SH3TC2: variants seen among roughly 807,000 people sequenced by gnomAD.
SH3TC2 encodes SH3 domain and tetratricopeptide repeat-containing protein 2.
A neutral mutation model predicts 124.5 loss-of-function variants in SH3TC2; 87 were observed. That is an observed-to-expected ratio of 0.70 (90% CI 0.59 to 0.84). SH3TC2 has a LOEUF of 0.84. Among genes scored for constraint, SH3TC2 ranks in the 40% least tolerant of loss-of-function variants. SH3TC2 has a pLI of 0.00. For synonymous variants in SH3TC2, 634 were observed against 628.5 expected (o/e 1.01, Z -0.13); for missense variants, 1,536 against 1,566.4 (o/e 0.98, Z 0.33).
intron 9 of SH3TC2, among the ~76,000 whole-genome samples, chr5:149,029,862 G>A (rs1051074183): frequency 6.6e-5 from 10 of 152,166 alleles, no homozygotes; most frequent in Non-Finnish European, 1.2e-4. Flanking sequence ...GTAGCTGCTA[G>A]AGGGAAGATT....
chr5:149,059,630 AG>A (rs1754710568), intron 1 of SH3TC2, among the ~76,000 whole-genome samples: 1 of 151,184 alleles, frequency 6.6e-6, no homozygotes, highest in African/African-American at 2.4e-5. Flanking sequence ...AATATATCTT[AG>A]ATGATAATGT....
rs1489256732 is a variant in SH3TC2 at position 148,983,254 on chromosome 5, C to A, written c.*21457G>T. Among the ~76,000 whole-genome samples the A allele has an allele frequency of 6.6e-6, 1 of 152,188 alleles. No homozygotes were observed. Among genetic ancestry groups the A allele is most frequent in the African/African-American group, 2.4e-5 (1 of 41,452 alleles). The stretch of plus-strand genomic sequence containing the variant: ...TGTTTGTTTTTCAAATTGCCACTTA[C>A]CATTTTTAGTACAAATTCCTTTTGA... On this transcript the variant is annotated 3_prime_UTR_variant, in exon 17 of 17. Coordinates refer to ENST00000515425, the MANE Select transcript of SH3TC2 (RefSeq NM_024577.4).
In SH3TC2 at chr5:148,999,894, C is replaced by T. The variant is rs1408069900; in HGVS notation, c.*4817G>A. The stretch of plus-strand genomic sequence containing the variant: ...TTTGCTTCCCTGAATCTGCTCCAGC[C>T]TCACTGCACTCAGAGTGACCTGTTC... On this transcript the variant is annotated 3_prime_UTR_variant, in exon 17 of 17. Coordinates refer to ENST00000515425, the MANE Select transcript of SH3TC2 (RefSeq NM_024577.4). Among the ~76,000 whole-genome samples, 8 of 152,286 alleles carry T rather than the reference C, an allele frequency of 5.3e-5. No individual in the cohort carries two copies. Among genetic ancestry groups the T allele is most frequent in the South Asian group, 2.1e-4 (1 of 4,818 alleles).
chr5:148,993,480 T>G lies in SH3TC2; in HGVS notation c.*11231A>C, dbSNP rs912858986. ...ACATTTATCTTGGAGTAAAAATGAT[T>G]GAGTAAGCATTAATTAAGAAAATAC... is the stretch of plus-strand genomic sequence containing the variant. On this transcript the variant is annotated 3_prime_UTR_variant, in exon 17 of 17. Coordinates refer to ENST00000515425, the MANE Select transcript of SH3TC2 (RefSeq NM_024577.4). Among the ~76,000 whole-genome samples the G allele has an allele frequency of 3.9e-5, 6 of 152,244 alleles. No homozygotes were observed. The highest frequency in any genetic ancestry group is 7.3e-5 in the Non-Finnish European group (5 of 68,044).
At chr5:149,026,266 G>A (rs896596843) in intron 12 of SH3TC2, 1 of 399,400 alleles carries the variant, frequency 2.5e-6, no homozygotes, top group African/African-American at 2.0e-5. Context: ...CTATGTATCA[G>A]GCACAGTTAT....
chr5:149,057,177 T>C (rs1754662784), intron 1 of SH3TC2, among the ~76,000 whole-genome samples: 1 of 152,224 alleles, frequency 6.6e-6, no homozygotes, highest in Admixed American at 6.5e-5. Context: ...TAATCTACTA[T>C]TTAAATTCCA....
chr5:149,062,697 G>A (rs1338043633), intron 1 of SH3TC2, among the ~76,000 whole-genome samples: 1 of 152,202 alleles, frequency 6.6e-6, no homozygotes. Flanking sequence ...TCACACCCTG[G>A]GAGTGGCAGC....
rs1432798 is a variant in SH3TC2 at position 149,003,782 on chromosome 5, C to G, written c.*929G>C. On this transcript the variant is annotated 3_prime_UTR_variant, in exon 17 of 17. Coordinates refer to ENST00000515425, the MANE Select transcript of SH3TC2 (RefSeq NM_024577.4). ...TGGAGGATCACTTGAGCCCCGGAGT[C>G]TGAGGTCGCAGGAAGCCCTGACTGT... The G allele has an allele frequency of 0.27, 121,276 of 442,256 alleles. 18,910 individuals are homozygous for G. The highest frequency in any genetic ancestry group is 0.48 in the African/African-American group (23,080 of 47,942). The allele number at this position is 442,256 out of a possible 1,614,324, so 27.4% of individuals were successfully genotyped here. A position where few individuals can be genotyped will look rare whatever the true frequency, so the allele number is the denominator to read the frequency against.
At chr5:149,031,772 G>C in intron 8 of SH3TC2, 85 bp from the exon 9 acceptor site, 1 of 1,585,146 alleles carries the variant, frequency 6.3e-7, no homozygotes. Context: ...GGATGTAGTG[G>C]AGGATGCAGA....
intron 1 of SH3TC2, chr5:149,062,199 C>A: frequency 5.0e-6 from 2 of 403,756 alleles, no homozygotes; most frequent in South Asian, 1.9e-5. Context: ...CCAAGCAAGC[C>A]TCCCCCCACC....
chr5:149,058,603 C>A (rs969437122), intron 1 of SH3TC2, among the ~76,000 whole-genome samples: 1 of 151,408 alleles, frequency 6.6e-6, no homozygotes, highest in Non-Finnish European at 1.5e-5. Flanking sequence ...GGATATTACT[C>A]CCCAGTTGAT....
In SH3TC2 at chr5:149,026,948, T is replaced by C. The variant is rs111526513; in HGVS notation, c.2784A>G (p.Gln928=). ...ELVQVFLWLA[Q]VLVSGHQLTH... ...TCAGCTGGTGTCCAGACACCAGAAC[T>C]TGGGCCAACCAGAGAAACACCTGTA... The change falls in exon 11 of 17, where the codon CAA becomes CAG. Residue 928 remains glutamine (Q), a synonymous_variant. Transcript: ENST00000515425. 6.2e-7 allele frequency: 1 copy of C among 1,614,182 alleles called. No individual in the cohort carries two copies. Among genetic ancestry groups the C allele is most frequent in the Non-Finnish European group, 8.5e-7 (1 of 1,180,034 alleles).
At chr5:149,062,206 C>G (rs546712871) in intron 1 of SH3TC2, 91 of 409,074 alleles carry the variant, frequency 2.2e-4, no homozygotes, top group African/African-American at 1.8e-3. Context: ...AGCCTCCCCC[C>G]ACCAATCTAA....
At chr5:149,029,570 T>G in intron 9 of SH3TC2, among the ~76,000 whole-genome samples, 1 of 147,588 alleles carries the variant, frequency 6.8e-6, no homozygotes, top group African/African-American at 2.5e-5. Context: ...AGCAGGGGAG[T>G]GAGGGAGTGA....
At chr5:149,038,179 T>C in intron 8 of SH3TC2, 116 bp downstream of exon 8, 1 of 908,898 alleles carries the variant, frequency 1.1e-6, no homozygotes, top group South Asian at 1.5e-5. Flanking sequence ...CATGTGCTTT[T>C]CTGGCTCCAT....
rs776019812 is a variant in SH3TC2, at chr5:149,027,499, C to T, written c.2233G>A (p.Ala745Thr). Residue 745 changes from alanine (A) to threonine (T), a missense_variant, in exon 11 of 17, where the codon GCT (alanine) becomes ACT (threonine). Ala to Thr is a moderately conservative substitution (Grantham distance 58). This residue lies in a region of SH3TC2 where 1,102 missense variants were observed against 1,098.6 expected (regional missense o/e 1.00). Coordinates refer to ENST00000515425, the MANE Select transcript of SH3TC2 (RefSeq NM_024577.4). ...CGGTCTGCTAGTTCCTCACAGGCAG[C>T]CAGGGCCTGTCTGAGCATTGGGCAG... is the stretch of plus-strand genomic sequence containing the variant. ...LACPMLRQAL[A>T]ACEELADRST... The T allele has an allele frequency of 2.5e-6, 4 of 1,614,078 alleles. No individual in the cohort carries two copies. The African/African-American group carries it at 5.3e-5, about 22-fold the overall frequency.
rs756599181 is a variant in SH3TC2, at chr5:149,004,854, C to T, written c.3724G>A (p.Val1242Ile). 2.5e-6 allele frequency: 4 copies of T among 1,614,086 alleles called. No homozygotes were observed. The Admixed American group carries it at 6.7e-5, about 27-fold the overall frequency. The stretch of plus-strand genomic sequence containing the variant: ...TGAAGCTCCTCATCACCCAGCAGGA[C>T]CGCTGCTGCCAGGGCCAGAAGGAAG... ...EYFLLALAAAVLLGDEELQDT... is the reference protein window; with the variant it reads ...EYFLLALAAAILLGDEELQDT... Residue 1242 changes from valine to isoleucine, a missense_variant, in exon 17 of 17, where the codon GTC becomes ATC. This residue lies in a region of SH3TC2 where 426 missense variants were observed against 443.5 expected (regional missense o/e 0.96). Coordinates refer to ENST00000515425, the MANE Select transcript of SH3TC2 (RefSeq NM_024577.4).
At position 149,038,310 on chromosome 5, in the gene SH3TC2, T is replaced by C; in HGVS notation, c.986A>G (p.Asp329Gly). 1 of 1,614,018 alleles carries C rather than the reference T, an allele frequency of 6.2e-7. No homozygotes were observed. Among genetic ancestry groups the C allele is most frequent in the East Asian group, 2.2e-5 (1 of 44,878 alleles). The change falls in exon 8 of 17, where the codon GAT (aspartate) becomes GGT (glycine). Residue 329 changes from aspartate to glycine, a missense_variant. Asp to Gly is a moderately conservative substitution (Grantham distance 94). Around this residue, in one of 3 missense-constraint regions of SH3TC2, gnomAD observed 1,102 missense variants for 1,098.6 expected, o/e 1.00. Transcript: ENST00000515425. ...CAATACTCACATTGGGGAATAAGAATCAGGATCTATGTTCCTGGTGGGGAC... is the reference window on the plus strand; with the variant it reads ...CAATACTCACATTGGGGAATAAGAACCAGGATCTATGTTCCTGGTGGGGAC... ...GFVPTRNIDP[D>G]SYSPMSRNSA...
chr5:149,062,829 G>A, intron 1 of SH3TC2, 142 bp downstream of exon 1: 1 of 783,654 alleles, frequency 1.3e-6, no homozygotes, highest in East Asian at 2.7e-5. Context: ...ACTTACCCAG[G>A]GAGGAAGGAG....
Sources: allele counts gnomAD v4.1 joint callset (sites outside exome capture counted in the v4.1 genomes callset), GRCh38; gene constraint gnomAD v4.1.1; regional missense constraint gnomAD v4.1.1; transcripts MANE v1.5; gene names NCBI Gene and HGNC (gene_info 2026-07-23, HGNC 2026-07-21).